GABBR2: variants seen among roughly 807,000 people sequenced by gnomAD.
GABBR2 encodes the protein gamma-aminobutyric acid type B receptor subunit 2.
GABBR2 carries 23 observed loss-of-function variants against 105.6 expected under a neutral mutation model. The observed-to-expected ratio is 0.22, with a 90% CI of 0.16 to 0.31. The LOEUF (loss-of-function observed/expected upper bound fraction) is 0.31. Among genes scored for constraint, GABBR2 ranks in the 10% least tolerant of loss-of-function variants. GABBR2 has a pLI of 1.00. For missense variants in GABBR2, 734 were observed against 1,245.5 expected (o/e 0.59, Z 6.18); for synonymous variants, 478 against 499.7 (o/e 0.96, Z 0.58).
At chr9:98,525,112 C>T (rs936838370) in intron 3 of GABBR2, among the ~76,000 whole-genome samples, 4 of 152,066 alleles carry the variant, frequency 2.6e-5, no homozygotes, top group African/African-American at 7.2e-5. Context: ...ACAATGGTCT[C>T]TTAAATATGA....
intron 3 of GABBR2, among the ~76,000 whole-genome samples, chr9:98,499,963 G>A (rs1286006785): frequency 6.6e-6 from 1 of 152,210 alleles, no homozygotes; most frequent in Non-Finnish European, 1.5e-5. Context: ...TGAGGCAGGA[G>A]AATCACTTGA....
intron 2 of GABBR2, among the ~76,000 whole-genome samples, chr9:98,551,598 G>C (rs1223846879): frequency 1.3e-5 from 2 of 152,140 alleles, no homozygotes; most frequent in South Asian, 2.1e-4. Flanking sequence ...TATTTAACCA[G>C]CAGCATGGGG....
At chr9:98,343,245 A>T (rs1831245044) in intron 13 of GABBR2, among the ~76,000 whole-genome samples, 1 of 151,728 alleles carries the variant, frequency 6.6e-6, no homozygotes, top group East Asian at 1.9e-4. Flanking sequence ...GGAATTCCTG[A>T]CATAGGTTGC....
At chr9:98,625,247 A>G (rs1383519341) in intron 1 of GABBR2, among the ~76,000 whole-genome samples, 1 of 151,970 alleles carries the variant, frequency 6.6e-6, no homozygotes, top group Admixed American at 6.5e-5. Flanking sequence ...CCCCTGCCCT[A>G]CTCCCACATT....
intron 7 of GABBR2, among the ~76,000 whole-genome samples, chr9:98,409,404 G>A (rs1474414986): frequency 6.6e-6 from 1 of 152,112 alleles, no homozygotes; most frequent in African/African-American, 2.4e-5. Flanking sequence ...GTGAGAAGAT[G>A]GTGGTTTCAG....
At chr9:98,363,463 A>G (rs1831623609) in intron 12 of GABBR2, among the ~76,000 whole-genome samples, 1 of 152,190 alleles carries the variant, frequency 6.6e-6, no homozygotes, top group Non-Finnish European at 1.5e-5. Context: ...GGGCTAAGTA[A>G]CTTGCTCAAT....
chr9:98,622,948 T>C (rs980990681), intron 1 of GABBR2, among the ~76,000 whole-genome samples: 2 of 152,152 alleles, frequency 1.3e-5, no homozygotes, highest in African/African-American at 4.8e-5. Context: ...CACTATGGAC[T>C]CTGGGTGATG....
intron 2 of GABBR2, among the ~76,000 whole-genome samples, chr9:98,552,440 CTGTT>C (rs1828506457): frequency 6.6e-6 from 1 of 152,292 alleles, no homozygotes; most frequent in African/African-American, 2.4e-5. Flanking sequence ...TGACAAAACA[CTGTT>C]TGTGGCCAGT....
intron 1 of GABBR2, among the ~76,000 whole-genome samples, chr9:98,619,276 C>G (rs1222896581): frequency 6.6e-6 from 1 of 151,838 alleles, no homozygotes. Flanking sequence ...CACCCCTGCC[C>G]CAGAAAAAAT....
chr9:98,443,505 G>C (rs1484350809), intron 7 of GABBR2, among the ~76,000 whole-genome samples: 1 of 152,152 alleles, frequency 6.6e-6, no homozygotes, highest in Non-Finnish European at 1.5e-5. Flanking sequence ...ATTAAAGGGG[G>C]AAGGGCAGCC....
intron 7 of GABBR2, among the ~76,000 whole-genome samples, chr9:98,442,221 T>G (rs1457854673): frequency 1.3e-5 from 2 of 152,210 alleles, no homozygotes; most frequent in Non-Finnish European, 2.9e-5. Context: ...GAGCTTTCAG[T>G]GAGGCTGGCC....
chr9:98,575,801 C>T (rs1270018425), intron 2 of GABBR2, among the ~76,000 whole-genome samples: 1 of 152,156 alleles, frequency 6.6e-6, no homozygotes, highest in Non-Finnish European at 1.5e-5. Flanking sequence ...CTTTTCTGGT[C>T]TCCTCTTCCT....
chr9:98,570,849 C>A (rs1243648778), intron 2 of GABBR2, among the ~76,000 whole-genome samples: 1 of 152,204 alleles, frequency 6.6e-6, no homozygotes, highest in Non-Finnish European at 1.5e-5. Context: ...CAAGAGGCTG[C>A]AGCTGGAGAG....
At chr9:98,593,345 T>C (rs928797318) in intron 1 of GABBR2, among the ~76,000 whole-genome samples, 4 of 152,128 alleles carry the variant, frequency 2.6e-5, no homozygotes, top group African/African-American at 9.7e-5. Flanking sequence ...ACGACGACCC[T>C]GGCAGCCACT....
intron 4 of GABBR2, among the ~76,000 whole-genome samples, chr9:98,485,670 C>T (rs987086379): frequency 2.6e-5 from 4 of 152,068 alleles, no homozygotes; most frequent in East Asian, 1.9e-4. Context: ...CTAAACAGTC[C>T]GTCAGCCCCA....
rs755177521 is a variant in GABBR2 at position 98,691,281 on chromosome 9, C to T, written c.321+17136G>A. On this transcript the variant is annotated intron_variant, in intron 1 of 18. Coordinates refer to ENST00000259455, the MANE Select transcript of GABBR2 (RefSeq NM_005458.8). ...AATACATACTCTCATCCTAGCCTCA[C>T]GGACAAACCCTGCAAGGCAGGTAAA... Among the ~76,000 whole-genome samples the T allele has an allele frequency of 9.8e-5, 15 of 152,290 alleles. No individual in the cohort carries two copies. In the East Asian group the frequency reaches 1.9e-3, roughly 20 times the overall value.
At chr9:98,368,539 C>T (rs569680313) in intron 12 of GABBR2, among the ~76,000 whole-genome samples, 1 of 152,280 alleles carries the variant, frequency 6.6e-6, no homozygotes, top group South Asian at 2.1e-4. Context: ...ATATCACTGC[C>T]CCACAGGGAG....
chr9:98,602,774 T>C (rs777089560), intron 1 of GABBR2, among the ~76,000 whole-genome samples: 3 of 152,222 alleles, frequency 2.0e-5, no homozygotes, highest in Non-Finnish European at 4.4e-5. Context: ...GGTTTCTTTT[T>C]TTAGCAAACT....
Position 98,303,229 on chromosome 9 carries a change from A to G in GABBR2, c.2412+12T>C, listed in dbSNP as rs753175729. 13 of 1,611,610 alleles carry G rather than the reference A, an allele frequency of 8.1e-6. No individual in the cohort carries two copies. The highest frequency in any genetic ancestry group is 1.8e-4 in the Middle Eastern group (1 of 5,648). On this transcript the variant is annotated intron_variant, in intron 16 of 18. Coordinates refer to ENST00000259455, the MANE Select transcript of GABBR2 (RefSeq NM_005458.8). The stretch of plus-strand genomic sequence containing the variant: ...CAGACAGGGCCCAGCTACCAGATGC[A>G]GAGGGAGGTACCTCTGTGATCTTCA...
Sources: gnomAD v4.1 joint callset for allele counts (sites outside exome capture counted in the v4.1 genomes callset) on GRCh38, gnomAD v4.1.1 for gene constraint, MANE v1.5 for transcripts, NCBI Gene and HGNC (gene_info 2026-07-23, HGNC 2026-07-21) for gene names.